The following AFAP1 variants were observed in gnomAD, a reference collection of about 807,000 sequenced individuals.
AFAP1 encodes the protein actin filament-associated protein 1.
In AFAP1, 75 loss-of-function variants were observed where a neutral mutation model predicts 93.9. That is an observed-to-expected ratio of 0.80 (90% CI 0.66 to 0.97). The LOEUF is 0.97. Among genes scored for constraint, AFAP1 ranks in the 50% least tolerant of loss-of-function variants. The pLI is 0.00. For synonymous variants in AFAP1, 517 were observed against 430.7 expected (o/e 1.20, Z -2.48); for missense variants, 1,201 against 1,050.8 (o/e 1.14, Z -1.98).
At chr4:7,873,528 T>C (rs894346213) in intron 1 of AFAP1, among the ~76,000 whole-genome samples, 3 of 151,292 alleles carry the variant, frequency 2.0e-5, no homozygotes, top group East Asian at 4.0e-4. Flanking sequence ...TTTTGTATTT[T>C]TAGTAGAGAC....
At chr4:7,896,235 A>G (rs1056555806) in intron 1 of AFAP1, among the ~76,000 whole-genome samples, 1 of 152,090 alleles carries the variant, frequency 6.6e-6, no homozygotes, top group African/African-American at 2.4e-5. Context: ...ACACAGTATA[A>G]CCCACCATTA....
chr4:7,897,535 G>GTT (rs137979142), intron 1 of AFAP1, among the ~76,000 whole-genome samples: 5 of 151,636 alleles, frequency 3.3e-5, no homozygotes, highest in African/African-American at 4.8e-5. Flanking sequence ...TGTTTTTGTG[G>GTT]TTTTTTTGAC....
At chr4:7,854,836 A>T (rs935840574) in intron 4 of AFAP1, among the ~76,000 whole-genome samples, 1 of 152,212 alleles carries the variant, frequency 6.6e-6, no homozygotes, top group East Asian at 1.9e-4. Context: ...TAGAGCCACC[A>T]ATTCAGAAAT....
At chr4:7,876,259 A>G (rs1006285195) in intron 1 of AFAP1, among the ~76,000 whole-genome samples, 2 of 152,186 alleles carry the variant, frequency 1.3e-5, no homozygotes, top group African/African-American at 2.4e-5. Context: ...GGCCCTGGCC[A>G]AGGTATCTGC....
At position 7,772,715 on chromosome 4, in the gene AFAP1, C is replaced by T. The variant is rs539700676; in HGVS notation, c.2253+105G>A. The T allele has an allele frequency of 5.3e-4, 594 of 1,110,530 alleles. 10 individuals carry two copies. The South Asian group carries it at 8.7e-3, about 16-fold the overall frequency. 68.8% of individuals were successfully genotyped at this position (1,110,530 alleles called of 1,614,324 possible). A position where few individuals can be genotyped will look rare whatever the true frequency, so the allele number is the denominator to read the frequency against. On this transcript the variant is annotated intron_variant, in intron 16 of 17. Coordinates refer to ENST00000420658, the MANE Select transcript of AFAP1 (RefSeq NM_001134647.2). ...TTCTGCTGGGCACACTAAGGGGCCA[C>T]AAGCAAGCTACGCCCCAGAGCCACT...
chr4:7,762,650 C>A lies in AFAP1; in HGVS notation c.*1115G>T, dbSNP rs1381909160. The A allele has an allele frequency of 6.6e-6, 1 of 152,278 alleles. No individual in the cohort carries two copies. Among genetic ancestry groups the A allele is most frequent in the East Asian group, 1.9e-4 (1 of 5,186 alleles). The allele number at this position is 152,278 out of a possible 1,614,324, so 9.4% of individuals were successfully genotyped here. ...AAAGCTGGGAAAGAGGCCCTACTTGCACCCACCCTACTCAGGAGAGGCAGC... is the reference window on the plus strand; with the variant it reads ...AAAGCTGGGAAAGAGGCCCTACTTGAACCCACCCTACTCAGGAGAGGCAGC... On this transcript the variant is annotated 3_prime_UTR_variant, in exon 18 of 18. Transcript: ENST00000420658.
chr4:7,937,936 G>A (rs528527493), intron 1 of AFAP1, among the ~76,000 whole-genome samples: 2 of 152,312 alleles, frequency 1.3e-5, no homozygotes, highest in East Asian at 3.9e-4. Flanking sequence ...TGAAAAAGGA[G>A]CTCGCATTTA....
chr4:7,912,183 T>G (rs554944973), intron 1 of AFAP1, among the ~76,000 whole-genome samples: 1 of 152,374 alleles, frequency 6.6e-6, no homozygotes, highest in African/African-American at 2.4e-5. Context: ...TGCACCAGTT[T>G]GTTTAACCAT....
intron 6 of AFAP1, among the ~76,000 whole-genome samples, chr4:7,831,085 C>A (rs559099671): frequency 6.6e-6 from 1 of 152,174 alleles, no homozygotes; most frequent in African/African-American, 2.4e-5. Context: ...CCTAATAAAT[C>A]TGAATCACTG....
intron 16 of AFAP1, among the ~76,000 whole-genome samples, chr4:7,771,445 T>C (rs952549303): frequency 6.6e-6 from 1 of 152,092 alleles, no homozygotes; most frequent in African/African-American, 2.4e-5. Context: ...AATGAATATA[T>C]GATTTTATGT....
intron 1 of AFAP1, among the ~76,000 whole-genome samples, chr4:7,886,127 G>C (rs766735101): frequency 3.7e-4 from 56 of 152,324 alleles, no homozygotes; most frequent in Non-Finnish European, 6.6e-4. Flanking sequence ...CAGCTGGACT[G>C]CATCTAAAAT....
At position 7,915,366 on chromosome 4, in the gene AFAP1, CT is replaced by C. The variant is rs568337863; in HGVS notation, c.-3+24289del. ...TTGTACATCTTCTTTCAAGAAACGT[CT>C]GTTCGGTTGGGTGTGGTGACTCCAA... On this transcript the variant is annotated intron_variant, in intron 1 of 17. Coordinates refer to ENST00000420658, the MANE Select transcript of AFAP1 (RefSeq NM_001134647.2). 4.2e-5 allele frequency among the ~76,000 whole-genome samples: 6 copies of C among 144,486 alleles called. No individual in the cohort carries two copies. The South Asian group carries it at 1.4e-3, about 33-fold the overall frequency. 94.8% of individuals were successfully genotyped at this position (144,486 alleles called of 152,430 possible).
intron 17 of AFAP1, among the ~76,000 whole-genome samples, chr4:7,765,982 A>G (rs1714510464): frequency 6.6e-6 from 1 of 152,114 alleles, no homozygotes; most frequent in Admixed American, 6.6e-5. Flanking sequence ...GACTCCCACT[A>G]TTTCCAGGGG....
rs1713400453 is a variant in AFAP1, at chr4:7,759,028, A to G, written c.*4737T>C. 6.5e-6 allele frequency: 1 copy of G among 152,676 alleles called. No homozygotes were observed. Among genetic ancestry groups the G allele is most frequent in the South Asian group, 2.1e-4 (1 of 4,838 alleles). 9.5% of individuals were successfully genotyped at this position (152,676 alleles called of 1,614,324 possible). A position where few individuals can be genotyped will look rare whatever the true frequency, so the allele number is the denominator to read the frequency against. Reference sequence around the variant, plus strand: ...CCTGTTTCTTTCAAAGAGAATTTTAAATATGACTTTAGCTTTTAAAAAATA... The same window carrying G: ...CCTGTTTCTTTCAAAGAGAATTTTAGATATGACTTTAGCTTTTAAAAAATA... On this transcript the variant is annotated 3_prime_UTR_variant, in exon 18 of 18. Transcript: ENST00000420658.
At chr4:7,895,859 T>TC (rs976555034) in intron 1 of AFAP1, among the ~76,000 whole-genome samples, 2 of 150,184 alleles carry the variant, frequency 1.3e-5, no homozygotes, top group Admixed American at 6.6e-5. Flanking sequence ...AAAGTTTTTT[T>TC]TTTTTTTTTT....
In AFAP1 at chr4:7,768,832, A is replaced by C; in HGVS notation, c.2418+12T>G. The C allele has an allele frequency of 1.9e-6, 3 of 1,576,270 alleles. No individual in the cohort carries two copies. Among genetic ancestry groups the C allele is most frequent in the Non-Finnish European group, 2.6e-6 (3 of 1,154,876 alleles). ...CCAGGACACCCAGACACCCCCGGAC[A>C]TCAGGGCTTACCTTGGCCTTCCGCA... On this transcript the variant is annotated intron_variant, in intron 17 of 17. Coordinates refer to ENST00000420658, the MANE Select transcript of AFAP1 (RefSeq NM_001134647.2).
intron 1 of AFAP1, among the ~76,000 whole-genome samples, chr4:7,932,109 A>T (rs1436866427): frequency 6.6e-6 from 1 of 151,962 alleles, no homozygotes; most frequent in Non-Finnish European, 1.5e-5. Context: ...CCACCCTCCT[A>T]GGCCTCCCAA....
At chr4:7,918,886 A>T (rs199897327) in intron 1 of AFAP1, among the ~76,000 whole-genome samples, 92 of 47,956 alleles carry the variant, frequency 1.9e-3, no homozygotes, top group Middle Eastern at 0.029. Context: ...GGCTGCCGGA[A>T]GAGACACTCG....
At chr4:7,897,941 A>G (rs1718885760) in intron 1 of AFAP1, among the ~76,000 whole-genome samples, 1 of 152,124 alleles carries the variant, frequency 6.6e-6, no homozygotes, top group Non-Finnish European at 1.5e-5. Context: ...CCCCATCCCA[A>G]TAACAGCATC....
Sources: gnomAD v4.1 joint callset for allele counts (sites outside exome capture counted in the v4.1 genomes callset) on GRCh38, gnomAD v4.1.1 for gene constraint, MANE v1.5 for transcripts, NCBI Gene and HGNC (gene_info 2026-07-23, HGNC 2026-07-21) for gene names.